TEX15: variants seen among roughly 807,000 people sequenced by gnomAD.
The protein encoded by TEX15 is testis expressed 15, meiosis and synapsis associated.
TEX15 carries 171 observed loss-of-function variants against 237.3 expected under a neutral mutation model. The ratio of observed to expected loss-of-function variants is 0.72; its 90% CI spans 0.64 to 0.82. The LOEUF is 0.82. TEX15 is among the 40% of genes least tolerant of loss of function. The probability of loss-of-function intolerance (pLI) is 0.00; values close to 1 mark genes in which losing one functional copy is unlikely to be tolerated. For missense variants in TEX15, 3,750 were observed against 3,646.5 expected, an observed-to-expected ratio of 1.03 and a Z score of -0.73; for synonymous variants, 1,338 against 1,269.8, an observed-to-expected ratio of 1.05 and a Z score of -1.14.
Position 30,831,865 on chromosome 8 carries a change from C to T in TEX15, c.*1421G>A, listed in dbSNP as rs1191631016. 1 of 152,088 alleles carries T rather than the reference C, an allele frequency of 6.6e-6. No homozygotes were observed. Among genetic ancestry groups the T allele is most frequent in the African/African-American group, 2.4e-5 (1 of 41,394 alleles). 9.4% of individuals were successfully genotyped at this position (152,088 alleles called of 1,614,324 possible). ...TTGGCTGTTATTCATTTTTGAATAC[C>T]AGTTAATATTACTGCTTTCAAAGTT... On this transcript the variant is annotated 3_prime_UTR_variant, in exon 11 of 11. Transcript: ENST00000643185.
rs1200443453 is a variant in TEX15, at chr8:30,848,203, G to A, written c.1964C>T (p.Pro655Leu). 4 of 1,611,922 alleles carry A rather than the reference G, an allele frequency of 2.5e-6. No homozygotes were observed. The highest frequency in any genetic ancestry group is 1.1e-5 in the South Asian group (1 of 90,434). ...GTGCAAAACAATGTAATTATCTATT[G>A]GACTGATTTTTGTTTCATTAGTGAA... The part of the protein sequence containing the change: ...NDFTNETKIS[P>L]IDNYIVLHQE... The change falls in exon 8 of 11, where the codon CCA (proline) becomes CTA (leucine). Residue 655 changes from proline (P) to leucine (L), a missense_variant. Transcript: ENST00000643185.
chr8:30,885,857 T>C (rs1808635808), intron 3 of TEX15, among the ~76,000 whole-genome samples: 1 of 152,230 alleles, frequency 6.6e-6, no homozygotes, highest in Admixed American at 6.5e-5. Flanking sequence ...GCAGTTCTAT[T>C]AGTTTTTGCC....
chr8:30,842,294 TC>T lies in TEX15; in HGVS notation c.7872del (p.Met2624IlefsTer9). The T allele has an allele frequency of 2.5e-6, 4 of 1,613,848 alleles. No homozygotes were observed. The highest frequency in any genetic ancestry group is 3.4e-6 in the Non-Finnish European group (4 of 1,179,870). ...KVMKTIEHMKMICTKNAELTI... is the reference protein window; with the variant it reads ...KVMKTIEHMKXICTKNAELTI... ...GTTAGTTCAGCATTTTTAGTACATA[TC>T]ATCTTCATATGTTCAATCGTTTTCA... On this transcript the variant is annotated frameshift_variant, in exon 8 of 11. Transcript: ENST00000643185. LOFTEE classifies it high-confidence loss of function.
In TEX15 at chr8:30,847,140, T is replaced by C. The variant is rs2128768112; in HGVS notation, c.3027A>G (p.Glu1009=). ...NDDHQIYQFK[E]TCSSESPDFG... The stretch of plus-strand genomic sequence containing the variant: ...AATCTGGACTTTCAGAAGAACAAGT[T>C]TCTTTAAACTGGTATATCTGGTGAT... Residue 1009 remains glutamate (E), a synonymous_variant, in exon 8 of 11, where the codon GAA becomes GAG. Coordinates refer to ENST00000643185, the MANE Select transcript of TEX15 (RefSeq NM_001350162.2). 6.2e-7 allele frequency: 1 copy of C among 1,613,842 alleles called. No homozygotes were observed. The highest frequency in any genetic ancestry group is 2.2e-5 in the East Asian group (1 of 44,878).
chr8:30,887,889 C>A (rs1020095391), intron 2 of TEX15: 2 of 108,064 alleles, frequency 1.9e-5, no homozygotes, highest in Non-Finnish European at 2.0e-5. Context: ...ATATATATTT[C>A]ATATATATAT....
chr8:30,887,137 T>TA (rs1463095442), intron 3 of TEX15, 30 bp downstream of exon 3: 12 of 1,511,738 alleles, frequency 7.9e-6, no homozygotes, highest in Non-Finnish European at 1.1e-5. Flanking sequence ...TAATAGTTAC[T>TA]AAAAAAATTC....
At position 30,867,344 on chromosome 8, in the gene TEX15, T is replaced by C. The variant is rs908599917; in HGVS notation, c.461A>G (p.Tyr154Cys). The change falls in exon 5 of 11, where the codon TAT becomes TGT. Residue 154 changes from tyrosine to cysteine, a missense_variant. Tyr to Cys is a radical substitution (Grantham distance 194). Coordinates refer to ENST00000643185, the MANE Select transcript of TEX15 (RefSeq NM_001350162.2). ...GGCAATATCAACATGTCTAAACATA[T>C]AAATTCCAAGAAGAGGATTTCCTAG... Reference protein sequence around the residue: ...KILGNPLLGIYMFRHVDIALN... With the variant: ...KILGNPLLGICMFRHVDIALN... The C allele has an allele frequency of 5.9e-6, 9 of 1,528,028 alleles. No homozygotes were observed. The highest frequency in any genetic ancestry group is 4.9e-5 in the East Asian group (2 of 40,814). 94.7% of individuals were successfully genotyped at this position (1,528,028 alleles called of 1,614,324 possible).
intron 10 of TEX15, among the ~76,000 whole-genome samples, chr8:30,834,009 T>A (rs564976906): frequency 6.6e-6 from 1 of 152,062 alleles, no homozygotes; most frequent in Non-Finnish European, 1.5e-5. Context: ...TCTGAAACAA[T>A]TACAATCAAG....
Position 30,837,089 on chromosome 8 carries a change from T to C in TEX15, c.9195A>G (p.Thr3065=), listed in dbSNP as rs1237986778. ...NAITQTYQGI[T]SYEVQPSPSG... Reference sequence around the variant, plus strand: ...AAGGAGATGGCTGTACTTCATATGATGTTATCCCTTGGTATGTCTGGGTAA... The same window carrying C: ...AAGGAGATGGCTGTACTTCATATGACGTTATCCCTTGGTATGTCTGGGTAA... Residue 3065 remains threonine, a synonymous_variant, in exon 10 of 11, where the codon ACA becomes ACG. Coordinates refer to ENST00000643185, the MANE Select transcript of TEX15 (RefSeq NM_001350162.2). 2 of 1,614,180 alleles carry C rather than the reference T, an allele frequency of 1.2e-6. No individual in the cohort carries two copies. Among genetic ancestry groups the C allele is most frequent in the Admixed American group, 3.3e-5 (2 of 60,016 alleles).
In TEX15 at chr8:30,849,311, T is replaced by C. The variant is rs1371874356; in HGVS notation, c.856A>G (p.Thr286Ala). The C allele has an allele frequency of 6.7e-7, 1 of 1,499,424 alleles. No homozygotes were observed. Among genetic ancestry groups the C allele is most frequent in the Non-Finnish European group, 8.8e-7 (1 of 1,132,002 alleles). The allele number at this position is 1,499,424 out of a possible 1,614,324, so 92.9% of individuals were successfully genotyped here. Residue 286 changes from threonine (T) to alanine (A), a missense_variant, in exon 8 of 11, where the codon ACA (threonine) becomes GCA (alanine). By Grantham distance (58) the Thr-to-Ala change is moderately conservative. Coordinates refer to ENST00000643185, the MANE Select transcript of TEX15 (RefSeq NM_001350162.2). ...ACTGTACAGTTATTCAGAGAGCATG[T>C]CCTTTCTGTGGAAATAATAAGGAAG... is the stretch of plus-strand genomic sequence containing the variant. ...STGFPKRAER[T>A]CSLNNCTVAK...
intron 7 of TEX15, among the ~76,000 whole-genome samples, chr8:30,850,997 G>A (rs1315874475): frequency 6.6e-6 from 1 of 152,062 alleles, no homozygotes; most frequent in Non-Finnish European, 1.5e-5. Context: ...CTATACAAAT[G>A]TAAGCACTTT....
chr8:30,855,482 A>G (rs1392728539), intron 7 of TEX15, among the ~76,000 whole-genome samples: 1 of 152,204 alleles, frequency 6.6e-6, no homozygotes, highest in Non-Finnish European at 1.5e-5. Context: ...TAACTCTCAG[A>G]CACTGCTGAT....
chr8:30,864,174 G>T (rs1313774013), intron 5 of TEX15, among the ~76,000 whole-genome samples: 1 of 151,788 alleles, frequency 6.6e-6, no homozygotes, highest in Non-Finnish European at 1.5e-5. Flanking sequence ...AAAATGAACA[G>T]CTCTCTAGAG....
In TEX15 at chr8:30,847,376, C is replaced by G. The variant is rs1292740775; in HGVS notation, c.2791G>C (p.Ala931Pro). ...AATAATGCAGTTGCTGCTGACACTG[C>G]ATTATCTTCTCTGCAAATCAAGTTA... The part of the protein sequence containing the change: ...KFNLICREDN[A>P]VSAATALLES... The change falls in exon 8 of 11, where the codon GCA becomes CCA. Residue 931 changes from alanine (A) to proline (P), a missense_variant. Coordinates refer to ENST00000643185, the MANE Select transcript of TEX15 (RefSeq NM_001350162.2). The G allele has an allele frequency of 1.9e-6, 3 of 1,613,532 alleles. No homozygotes were observed. Among genetic ancestry groups the G allele is most frequent in the Non-Finnish European group, 2.5e-6 (3 of 1,179,862 alleles).
intron 7 of TEX15, among the ~76,000 whole-genome samples, chr8:30,855,623 T>C (rs1452448744): frequency 1.3e-5 from 2 of 152,100 alleles, no homozygotes; most frequent in African/African-American, 4.8e-5. Context: ...AAAACATATA[T>C]CCATGTAAAA....
At chr8:30,885,815 A>C (rs1362848654) in intron 3 of TEX15, among the ~76,000 whole-genome samples, 2 of 152,316 alleles carry the variant, frequency 1.3e-5, no homozygotes, top group East Asian at 1.9e-4. Context: ...GGGTATTTCC[A>C]ACTGTAATAG....
intron 7 of TEX15, among the ~76,000 whole-genome samples, chr8:30,855,729 A>G (rs1178737606): frequency 6.6e-6 from 1 of 152,238 alleles, no homozygotes; most frequent in Non-Finnish European, 1.5e-5. Context: ...TGGTGTATCT[A>G]TACAATGAAA....
At chr8:30,835,901 TGAGA>T (rs1387262082) in intron 10 of TEX15, among the ~76,000 whole-genome samples, 1 of 152,238 alleles carries the variant, frequency 6.6e-6, no homozygotes, top group African/African-American at 2.4e-5. Flanking sequence ...ATTAGATAAC[TGAGA>T]GAAACAGAAG....
Position 30,849,193 on chromosome 8 carries a change from C to T in TEX15, c.974G>A (p.Cys325Tyr), listed in dbSNP as rs1807709352. The T allele has an allele frequency of 6.5e-7, 1 of 1,538,188 alleles. No homozygotes were observed. The change falls in exon 8 of 11, where the codon TGC becomes TAC. Residue 325 changes from cysteine (C) to tyrosine (Y), a missense_variant. Transcript: ENST00000643185. The part of the protein sequence containing the change: ...VDPFVQENCL[C>Y]NALNSEINPF... ...ATTTATCTCTGAATTTAGTGCATTG[C>T]ATAAACAGTTTTCTTGAACAAATGG...
Sources: gnomAD v4.1 joint callset for allele counts (sites outside exome capture counted in the v4.1 genomes callset) on GRCh38, gnomAD v4.1.1 for gene constraint, MANE v1.5 for transcripts, NCBI Gene and HGNC (gene_info 2026-07-23, HGNC 2026-07-21) for gene names.